The following CCDC33 variants were observed in gnomAD, a reference collection of about 807,000 sequenced individuals.
CCDC33 encodes the protein coiled-coil domain containing 33.
A neutral mutation model predicts 91.9 loss-of-function variants in CCDC33; 94 were observed. The observed-to-expected ratio is 1.02, with a 90% CI of 0.87 to 1.21. CCDC33 has a LOEUF of 1.21. Among genes scored for constraint, CCDC33 ranks in the 50% most tolerant of loss-of-function variants. CCDC33 has a pLI of 0.00. For missense variants in CCDC33, 940 were observed against 935.5 expected (o/e 1.00, Z -0.06); for synonymous variants, 396 against 374.5 (o/e 1.06, Z -0.66).
chr15:74,326,595 C>T (rs2060314439), intron 11 of CCDC33, among the ~76,000 whole-genome samples: 1 of 152,270 alleles, frequency 6.6e-6, no homozygotes, highest in Non-Finnish European at 1.5e-5. Flanking sequence ...GGACACCTGA[C>T]ATTTCTCACC....
chr15:74,328,096 G>C (rs1353869411), intron 11 of CCDC33, among the ~76,000 whole-genome samples: 1 of 152,220 alleles, frequency 6.6e-6, no homozygotes, highest in East Asian at 1.9e-4. Context: ...CTAAGAGCTT[G>C]AACCAGGCTG....
chr15:74,288,235 A>G (rs551097681), intron 10 of CCDC33, among the ~76,000 whole-genome samples: 2 of 152,098 alleles, frequency 1.3e-5, no homozygotes, highest in African/African-American at 2.4e-5. Context: ...TTTTCCTCCC[A>G]GAGGCCAACT....
In CCDC33 at chr15:74,236,401, A is replaced by G. The variant is rs2075156699; in HGVS notation, c.-319A>G. The stretch of plus-strand genomic sequence containing the variant: ...ACCGTCCTAGGTGTGCCAAGAGTCA[A>G]TTGCCTCATTGCTGACCCTGTCCAG... On this transcript the variant is annotated 5_prime_UTR_variant, in exon 1 of 19. Transcript: ENST00000398814. 5.5e-6 allele frequency: 2 copies of G among 364,896 alleles called. No homozygotes were observed. Among genetic ancestry groups the G allele is most frequent in the Non-Finnish European group, 9.9e-6 (2 of 202,082 alleles). 22.6% of individuals were successfully genotyped at this position (364,896 alleles called of 1,614,324 possible). A position where few individuals can be genotyped will look rare whatever the true frequency, so the allele number is the denominator to read the frequency against.
intron 11 of CCDC33, among the ~76,000 whole-genome samples, chr15:74,306,117 G>C (rs1182368978): frequency 6.6e-6 from 1 of 152,126 alleles, no homozygotes; most frequent in African/African-American, 2.4e-5. Context: ...CTCTCCCTCT[G>C]ACCCCCTCTC....
chr15:74,320,145 T>C (rs1242832756), intron 11 of CCDC33, among the ~76,000 whole-genome samples: 1 of 152,142 alleles, frequency 6.6e-6, no homozygotes, highest in Non-Finnish European at 1.5e-5. Flanking sequence ...GCCCTGGTTC[T>C]AGAAACTCCT....
intron 11 of CCDC33, among the ~76,000 whole-genome samples, chr15:74,296,757 G>A (rs1166716431): frequency 6.6e-6 from 1 of 152,194 alleles, no homozygotes; most frequent in Non-Finnish European, 1.5e-5. Context: ...GGTGGAGGTG[G>A]CCAAAGTGAC....
At chr15:74,214,554 C>G (rs1021711716), upstream of CCDC33, among the ~76,000 whole-genome samples, 2 of 152,184 alleles carry the variant, frequency 1.3e-5, no homozygotes, top group Admixed American at 6.5e-5. Flanking sequence ...GCCCTGGGCT[C>G]AGTTTCTTCA....
intron 3 of CCDC33, among the ~76,000 whole-genome samples, chr15:74,266,163 G>A (rs2076160324): frequency 6.6e-6 from 1 of 152,210 alleles, no homozygotes; most frequent in Non-Finnish European, 1.5e-5. Context: ...ATTGATAGCT[G>A]TATTAAAGGA....
chr15:74,330,246 C>A lies in CCDC33; in HGVS notation c.1348C>A (p.Arg450=). ...GATGGCAGAGGACATCCTGTCTCTG[C>A]GGAGACAGGCCAGCATCCTGGAAGG... ...QKMAEDILSL[R]RQASILEGEN... is the part of the protein sequence containing the mutation. Residue 450 remains arginine, a synonymous_variant, in exon 12 of 19, where the codon CGG becomes AGG. Coordinates refer to ENST00000398814, the MANE Select transcript of CCDC33 (RefSeq NM_025055.5). 6.2e-7 allele frequency: 1 copy of A among 1,612,918 alleles called. No homozygotes were observed. The highest frequency in any genetic ancestry group is 8.5e-7 in the Non-Finnish European group (1 of 1,179,810).
At position 74,218,669 on chromosome 15, in the gene CCDC33, C is replaced by A; in HGVS notation, c.483C>A (p.Tyr161Ter). 1 of 1,289,868 alleles carries A rather than the reference C, an allele frequency of 7.8e-7. No individual in the cohort carries two copies. The highest frequency in any genetic ancestry group is 1.0e-6 in the Non-Finnish European group (1 of 988,884). The allele number at this position is 1,289,868 out of a possible 1,614,324, so 79.9% of individuals were successfully genotyped here. ...AGGCTCAGGATCACGAGGACCTGTA[C>A]CGCTACTGTGGCAACCTGGCTCTGC... Residue 161 changes from tyrosine (Y) to a stop codon, truncating the protein, a stop_gained, in exon 2 of 3, where the codon TAC becomes TAA. Coordinates refer to the CCDC33 transcript ENST00000635913. LOFTEE classifies it high-confidence loss of function. The surrounding 1 kb of genome is among the most constrained non-coding windows in gnomAD (Gnocchi z 4.8).
chr15:74,275,912 G>A (rs547615063), intron 7 of CCDC33, among the ~76,000 whole-genome samples: 81 of 152,248 alleles, frequency 5.3e-4, no homozygotes, highest in Non-Finnish European at 6.3e-4. Flanking sequence ...CTGGCGATAC[G>A]CCCACCTTGG....
chr15:74,227,461 G>A (rs1367861348), intron 2 of CCDC33, among the ~76,000 whole-genome samples: 1 of 152,192 alleles, frequency 6.6e-6, no homozygotes, highest in African/African-American at 2.4e-5. Flanking sequence ...AAATCACACC[G>A]AGTCCTGCCA....
intron 1 of CCDC33, among the ~76,000 whole-genome samples, chr15:74,239,524 A>G (rs1296962058): frequency 6.6e-6 from 1 of 152,200 alleles, no homozygotes; most frequent in East Asian, 1.9e-4. Context: ...GCAGCTTCCA[A>G]TCTTGCCAGG....
chr15:74,265,716 T>C (rs1195769965), intron 3 of CCDC33, among the ~76,000 whole-genome samples: 3 of 152,206 alleles, frequency 2.0e-5, no homozygotes, highest in Non-Finnish European at 2.9e-5. Context: ...TTATAGGACA[T>C]TGGTGTTCTT....
At chr15:74,238,431 G>T (rs544050346) in intron 1 of CCDC33, among the ~76,000 whole-genome samples, 1 of 150,298 alleles carries the variant, frequency 6.7e-6, no homozygotes, top group East Asian at 1.9e-4. Flanking sequence ...AAAAAAGGAT[G>T]CTCATCATGT....
intron 11 of CCDC33, chr15:74,318,621 C>A (rs778788694): frequency 1.3e-6 from 1 of 752,458 alleles, no homozygotes; most frequent in Admixed American, 1.9e-5. Context: ...TCCCCTCCAG[C>A]CCCCAAGGCT....
At chr15:74,221,014 C>T (rs1016181151) in intron 2 of CCDC33, among the ~76,000 whole-genome samples, 8 of 152,128 alleles carry the variant, frequency 5.3e-5, no homozygotes, top group Non-Finnish European at 8.8e-5. Context: ...ATCAAAGCTA[C>T]GGATGGATTT....
chr15:74,245,380 C>T (rs1288340300), intron 2 of CCDC33, among the ~76,000 whole-genome samples: 1 of 152,230 alleles, frequency 6.6e-6, no homozygotes, highest in Non-Finnish European at 1.5e-5. Flanking sequence ...GCCAGCCCAG[C>T]TCCTCGGCCA....
chr15:74,268,477 T>G lies in CCDC33; in HGVS notation c.546+19T>G. On this transcript the variant is annotated intron_variant, in intron 5 of 18. Coordinates refer to ENST00000398814, the MANE Select transcript of CCDC33 (RefSeq NM_025055.5). ...TCTGGAGGTACCAGGGCTGGGGCCCTCTGGGGTGGTGGTGGGGGTGGGAAA... is the reference window on the plus strand; with the variant it reads ...TCTGGAGGTACCAGGGCTGGGGCCCGCTGGGGTGGTGGTGGGGGTGGGAAA... The G allele has an allele frequency of 1.5e-6, 2 of 1,330,492 alleles. No homozygotes were observed. Among genetic ancestry groups the G allele is most frequent in the Non-Finnish European group, 2.1e-6 (2 of 960,062 alleles). 82.4% of individuals were successfully genotyped at this position (1,330,492 alleles called of 1,614,324 possible). A position where few individuals can be genotyped will look rare whatever the true frequency, so the allele number is the denominator to read the frequency against.
Sources: gnomAD v4.1 joint callset for allele counts (sites outside exome capture counted in the v4.1 genomes callset) on GRCh38, gnomAD v4.1.1 for gene constraint, Gnocchi (gnomAD v3.1) non-coding constraint, MANE v1.5 for transcripts, NCBI Gene and HGNC (gene_info 2026-07-23, HGNC 2026-07-21) for gene names.